Variants in SPOCK3 observed in about 807,000 individuals in gnomAD.
SPOCK3 encodes the protein testican-3.
Under a neutral mutation model 56.6 loss-of-function variants are expected in SPOCK3, and 30 were observed. The ratio of observed to expected loss-of-function variants is 0.53; its 90% CI spans 0.40 to 0.72. SPOCK3 has a LOEUF of 0.72. SPOCK3 is among the 30% of genes least tolerant of loss of function. The probability of loss-of-function intolerance (pLI) is 0.00; values close to 1 mark genes in which losing one functional copy is unlikely to be tolerated. For synonymous variants in SPOCK3, 196 were observed against 183.3 expected (o/e 1.07, Z -0.56); for missense variants, 527 against 530.0 (o/e 0.99, Z 0.06).
At chr4:167,160,722 T>G (rs746253825) in intron 2 of SPOCK3, among the ~76,000 whole-genome samples, 18 of 151,990 alleles carry the variant, frequency 1.2e-4, no homozygotes, top group Non-Finnish European at 2.5e-4. Context: ...AACAGAGCCC[T>G]CAGAAATAAT....
intron 3 of SPOCK3, among the ~76,000 whole-genome samples, chr4:167,008,460 T>C (rs1749681777): frequency 6.6e-6 from 1 of 152,106 alleles, no homozygotes; most frequent in South Asian, 2.1e-4. Context: ...TTTGAATATG[T>C]AAGTCTTACA....
At chr4:166,900,277 C>T (rs775025903) in intron 5 of SPOCK3, among the ~76,000 whole-genome samples, 4 of 152,092 alleles carry the variant, frequency 2.6e-5, no homozygotes, top group Non-Finnish European at 4.4e-5. Context: ...ATGTGTTGGC[C>T]GGCAAGGTAG....
chr4:166,912,264 AT>A lies in SPOCK3; in HGVS notation c.474+355del, dbSNP rs565742177. ...GATAATATAGGAGATAAAATATGAG[AT>A]TAAAAAATAATTCTAATGACAGATT... On this transcript the variant is annotated intron_variant, in intron 5 of 10. Coordinates refer to ENST00000357545, the MANE Select transcript of SPOCK3 (RefSeq NM_001040159.2). Among the ~76,000 whole-genome samples, 17 of 152,274 alleles carry A rather than the reference AT, an allele frequency of 1.1e-4. No homozygotes were observed. The East Asian group carries it at 3.3e-3, about 29-fold the overall frequency.
chr4:166,936,731 C>A (rs1249774296), intron 4 of SPOCK3, among the ~76,000 whole-genome samples: 6 of 151,898 alleles, frequency 4.0e-5, no homozygotes, highest in Admixed American at 3.9e-4. Flanking sequence ...TTTCTTATTT[C>A]CTTATTTCTA....
intron 3 of SPOCK3, among the ~76,000 whole-genome samples, chr4:167,026,973 A>G (rs1751755228): frequency 6.6e-6 from 1 of 151,880 alleles, no homozygotes. Flanking sequence ...CTTACCTCCT[A>G]TCATATAATT....
intron 2 of SPOCK3, among the ~76,000 whole-genome samples, chr4:167,148,046 C>A (rs1764119443): frequency 6.6e-6 from 1 of 152,136 alleles, no homozygotes; most frequent in Non-Finnish European, 1.5e-5. Context: ...CTGTAACCAG[C>A]AGTTCACTGG....
intron 2 of SPOCK3, among the ~76,000 whole-genome samples, chr4:167,141,556 C>G (rs745995512): frequency 6.6e-6 from 1 of 152,018 alleles, no homozygotes; most frequent in Non-Finnish European, 1.5e-5. Flanking sequence ...ACTGTGTTTT[C>G]CCCAATGGCA....
intron 2 of SPOCK3, among the ~76,000 whole-genome samples, chr4:167,076,531 A>G (rs1336463366): frequency 1.3e-5 from 2 of 151,954 alleles, no homozygotes; most frequent in Admixed American, 1.3e-4. Flanking sequence ...CTAATATTAT[A>G]TAGTTTGAAT....
At chr4:166,945,639 A>T (rs1741633161) in intron 4 of SPOCK3, among the ~76,000 whole-genome samples, 1 of 151,714 alleles carries the variant, frequency 6.6e-6, no homozygotes, top group African/African-American at 2.4e-5. Flanking sequence ...TACCCTCCTC[A>T]CTCCAATTGA....
At chr4:167,205,304 ATAT>A (rs1692158607) in intron 2 of SPOCK3, among the ~76,000 whole-genome samples, 1 of 44,712 alleles carries the variant, frequency 2.2e-5, no homozygotes, top group Non-Finnish European at 4.3e-5. Flanking sequence ...TCTATAATAT[ATAT>A]TATATATTTT....
chr4:166,916,653 A>AT (rs137882277), intron 4 of SPOCK3, among the ~76,000 whole-genome samples: 11,066 of 152,234 alleles, frequency 0.073, 523 homozygotes, highest in Non-Finnish European at 0.1. Flanking sequence ...TAGCAAAAAA[A>AT]CAAAAACCAC....
intron 4 of SPOCK3, among the ~76,000 whole-genome samples, chr4:166,980,740 C>T (rs1240651198): frequency 6.6e-6 from 1 of 152,220 alleles, no homozygotes; most frequent in African/African-American, 2.4e-5. Flanking sequence ...CCGCAAGCAG[C>T]TTCTGCTGTA....
intron 6 of SPOCK3, among the ~76,000 whole-genome samples, chr4:166,842,301 G>GTAA: frequency 6.6e-6 from 1 of 152,258 alleles, no homozygotes; most frequent in East Asian, 1.9e-4. Flanking sequence ...CCCATATCCT[G>GTAA]CTGATTGGTC....
intron 3 of SPOCK3, among the ~76,000 whole-genome samples, chr4:167,036,158 T>G (rs945871801): frequency 5.9e-5 from 9 of 151,930 alleles, no homozygotes; most frequent in African/African-American, 2.2e-4. Flanking sequence ...GAAGGAAATA[T>G]TCCTAATGAG....
At chr4:167,023,283 A>T (rs1751377302) in intron 3 of SPOCK3, among the ~76,000 whole-genome samples, 1 of 151,940 alleles carries the variant, frequency 6.6e-6, no homozygotes, top group African/African-American at 2.4e-5. Flanking sequence ...ACTCAGAAAA[A>T]AAGACTTATT....
chr4:167,105,001 T>C (rs1759974633), intron 2 of SPOCK3, among the ~76,000 whole-genome samples: 1 of 151,998 alleles, frequency 6.6e-6, no homozygotes, highest in African/African-American at 2.4e-5. Context: ...TAGAATAGAA[T>C]ATCCAGTGAA....
chr4:166,967,696 C>A (rs559746581), intron 4 of SPOCK3, among the ~76,000 whole-genome samples: 1 of 152,138 alleles, frequency 6.6e-6, no homozygotes, highest in Non-Finnish European at 1.5e-5. Context: ...TTGGGTAATT[C>A]TTTATTGCAG....
intron 6 of SPOCK3, among the ~76,000 whole-genome samples, chr4:166,837,621 G>A (rs1460811511): frequency 2.0e-5 from 3 of 152,018 alleles, no homozygotes; most frequent in East Asian, 1.9e-4. Flanking sequence ...GAGATATAAC[G>A]TCGTAAATAT....
At chr4:167,135,668 T>G (rs966664595) in intron 2 of SPOCK3, among the ~76,000 whole-genome samples, 37 of 135,658 alleles carry the variant, frequency 2.7e-4, no homozygotes, top group African/African-American at 9.7e-4. Context: ...TTATTTATTG[T>G]CCTATATAAA....
Sources: gnomAD v4.1 joint callset for allele counts (sites outside exome capture counted in the v4.1 genomes callset) on GRCh38, gnomAD v4.1.1 for gene constraint, MANE v1.5 for transcripts, NCBI Gene and HGNC (gene_info 2026-07-23, HGNC 2026-07-21) for gene names.